The following FILIP1 variants were observed in gnomAD, a reference collection of about 807,000 sequenced individuals.
FILIP1 encodes filamin A interacting protein 1.
In FILIP1, 61 loss-of-function variants were observed where a neutral mutation model predicts 102.1. The observed-to-expected ratio is 0.60, with a 90% CI of 0.49 to 0.74. The LOEUF (loss-of-function observed/expected upper bound fraction) is 0.74, where lower values mean the gene tolerates loss of function less well. FILIP1 is among the 30% of genes least tolerant of loss of function. The pLI is 0.00. For synonymous variants in FILIP1, 491 were observed against 526.9 expected (o/e 0.93, Z 0.93); for missense variants, 1,314 against 1,441.2 (o/e 0.91, Z 1.43).
intron 1 of FILIP1, chr6:75,453,953 A>C (rs1162918886): frequency 2.2e-6 from 1 of 456,740 alleles, no homozygotes; most frequent in Admixed American, 2.3e-5. Context: ...ACACTGTATT[A>C]GTTTTCTATT....
chr6:75,360,110 G>C (rs1775127420), intron 3 of FILIP1, among the ~76,000 whole-genome samples: 1 of 152,128 alleles, frequency 6.6e-6, no homozygotes. Flanking sequence ...ATGACAACAG[G>C]CTCTGGTAAG....
At chr6:75,438,273 G>A (rs998258295) in intron 1 of FILIP1, among the ~76,000 whole-genome samples, 1 of 152,204 alleles carries the variant, frequency 6.6e-6, no homozygotes, top group African/African-American at 2.4e-5. Context: ...ACTGAGCTGT[G>A]ATATAAATCC....
chr6:75,325,547 AAAC>A (rs1443830858), intron 4 of FILIP1, among the ~76,000 whole-genome samples: 4 of 152,226 alleles, frequency 2.6e-5, no homozygotes, highest in Non-Finnish European at 5.9e-5. Flanking sequence ...CAGCAAGAAA[AAAC>A]AAATAATCCC....
intron 3 of FILIP1, chr6:75,360,886 C>G (rs527324350): frequency 2.0e-5 from 3 of 152,130 alleles, no homozygotes; most frequent in Admixed American, 1.3e-4. Flanking sequence ...GTTCCTGCCT[C>G]GTGAATTTGG....
At chr6:75,396,260 C>T (rs1345754285) in intron 2 of FILIP1, among the ~76,000 whole-genome samples, 2 of 151,190 alleles carry the variant, frequency 1.3e-5, no homozygotes, top group East Asian at 4.0e-4. Context: ...AAAGCCCAAG[C>T]AGAAGACAGA....
At chr6:75,305,997 A>C (rs1285187879), downstream of FILIP1, among the ~76,000 whole-genome samples, 4 of 152,244 alleles carry the variant, frequency 2.6e-5, no homozygotes, top group Non-Finnish European at 5.9e-5. Context: ...ATTAAGTTGC[A>C]TCTTAAAAGT....
intron 1 of FILIP1, among the ~76,000 whole-genome samples, chr6:75,429,222 T>C (rs2149705921): frequency 6.6e-6 from 1 of 152,262 alleles, no homozygotes; most frequent in East Asian, 1.9e-4. Flanking sequence ...CATCACTGTT[T>C]ATTATCCATC....
At chr6:75,423,622 T>C (rs1777542033) in intron 1 of FILIP1, among the ~76,000 whole-genome samples, 3 of 152,174 alleles carry the variant, frequency 2.0e-5, no homozygotes, top group Admixed American at 1.3e-4. Context: ...CAGCTGGCCT[T>C]GGTCAAGAGA....
chr6:75,480,078 G>A (rs1039240782), intron 1 of FILIP1, among the ~76,000 whole-genome samples: 6 of 151,476 alleles, frequency 4.0e-5, no homozygotes, highest in African/African-American at 1.2e-4. Flanking sequence ...ACCTATATAT[G>A]TTTTAAATTT....
intron 2 of FILIP1, among the ~76,000 whole-genome samples, chr6:75,374,655 C>T (rs934882525): frequency 6.6e-6 from 1 of 152,164 alleles, no homozygotes; most frequent in Non-Finnish European, 1.5e-5. Context: ...GCTGGAATCA[C>T]AGGCACGAGT....
chr6:75,348,062 TAC>T (rs148284986), intron 4 of FILIP1, among the ~76,000 whole-genome samples: 15 of 147,322 alleles, frequency 1.0e-4, no homozygotes, highest in South Asian at 6.6e-4. Context: ...ACATCAGTTA[TAC>T]ACACACACAC....
At chr6:75,425,008 C>T (rs1350015239) in intron 1 of FILIP1, among the ~76,000 whole-genome samples, 1 of 152,110 alleles carries the variant, frequency 6.6e-6, no homozygotes, top group Non-Finnish European at 1.5e-5. Flanking sequence ...CAAGTTGTGT[C>T]TTTTTTGAAC....
At chr6:75,302,841 GATATGATATGAT>G (rs1772878400) in intron 6 of FILIP1, among the ~76,000 whole-genome samples, 1 of 151,858 alleles carries the variant, frequency 6.6e-6, no homozygotes, top group Admixed American at 6.6e-5. Flanking sequence ...GATATGATAT[GATATGATATGAT>G]ATGATATGAT....
chr6:75,311,031 T>A (rs1413422239), intron 5 of FILIP1, among the ~76,000 whole-genome samples: 1 of 152,174 alleles, frequency 6.6e-6, no homozygotes, highest in Admixed American at 6.5e-5. Flanking sequence ...CTGTAGAACT[T>A]GTTCAGGGTC....
rs981038262 is a variant in FILIP1, at chr6:75,417,643, C to T, written c.-6-2665G>A. Among the ~76,000 whole-genome samples the T allele has an allele frequency of 1.2e-4, 19 of 152,130 alleles. No individual in the cohort carries two copies. The East Asian group carries it at 3.1e-3, about 25-fold the overall frequency. On this transcript the variant is annotated intron_variant, in intron 1 of 5. Coordinates refer to ENST00000237172, the MANE Select transcript of FILIP1 (RefSeq NM_015687.5). ...TATAGGAAGCATTTTTCATACAGCA[C>T]CTTGTTTAGTATTTACATCAACCCT...
intron 4 of FILIP1, among the ~76,000 whole-genome samples, chr6:75,326,048 G>A (rs1258896010): frequency 6.6e-6 from 1 of 151,624 alleles, no homozygotes; most frequent in African/African-American, 2.4e-5. Context: ...GTGAGATATA[G>A]ATAATAGACA....
intron 2 of FILIP1, among the ~76,000 whole-genome samples, chr6:75,390,424 T>C (rs1332921479): frequency 1.3e-5 from 2 of 152,166 alleles, no homozygotes; most frequent in South Asian, 2.1e-4. Flanking sequence ...AGAGGTTTAA[T>C]TGGCTCATGG....
intron 4 of FILIP1, among the ~76,000 whole-genome samples, chr6:75,321,004 G>A (rs1562454685): frequency 1.3e-5 from 2 of 152,110 alleles, no homozygotes. Flanking sequence ...AGGTTTTTGT[G>A]TCACTAGTTT....
intron 1 of FILIP1, among the ~76,000 whole-genome samples, chr6:75,479,333 T>C (rs1026385172): frequency 6.6e-6 from 1 of 152,182 alleles, no homozygotes; most frequent in Non-Finnish European, 1.5e-5. Context: ...CATATTGTTG[T>C]TTTTCTGGAA....
Sources: allele counts gnomAD v4.1 joint callset (sites outside exome capture counted in the v4.1 genomes callset), GRCh38; gene constraint gnomAD v4.1.1; transcripts MANE v1.5; gene names NCBI Gene and HGNC (gene_info 2026-07-23, HGNC 2026-07-21).